The following LAMB3 variants were observed in gnomAD, a reference collection of about 807,000 sequenced individuals.
The protein encoded by LAMB3 is laminin subunit beta 3.
A neutral mutation model predicts 140.3 loss-of-function variants in LAMB3; 104 were observed. That is an observed-to-expected ratio of 0.74 (90% CI 0.63 to 0.87). The LOEUF is 0.87. Ranked by LOEUF, LAMB3 falls within the 40% of genes least tolerant of loss-of-function variation. LAMB3 has a pLI of 0.00. For missense variants in LAMB3, 1,531 were observed against 1,575.2 expected (o/e 0.97, Z 0.47); for synonymous variants, 592 against 602.9 (o/e 0.98, Z 0.26).
chr1:209,648,559 C>A (rs886309380), intron 3 of LAMB3, among the ~76,000 whole-genome samples: 18 of 152,202 alleles, frequency 1.2e-4, no homozygotes, highest in African/African-American at 3.6e-4. Flanking sequence ...TCTCAAGGGG[C>A]TACTTAGGAG....
chr1:209,637,948 T>C lies in LAMB3; in HGVS notation c.332A>G (p.Asp111Gly), dbSNP rs55824996. 3.9e-4 allele frequency: 624 copies of C among 1,613,360 alleles called. 5 individuals are homozygous for C. In the African/African-American group the frequency reaches 7.6e-3, roughly 20 times the overall value. ...VNPVSLQLDL[D>G]RRFQLQEVMM... Reference sequence around the variant, plus strand: ...GACTTCTTGAAGCTGGAATCTCCTGTCCAGGTCCAGCTGCAGAGAGACAGG... The same window carrying C: ...GACTTCTTGAAGCTGGAATCTCCTGCCCAGGTCCAGCTGCAGAGAGACAGG... The change falls in exon 5 of 23, where the codon GAC (aspartate) becomes GGC (glycine). Residue 111 changes from aspartate to glycine, a missense_variant. Transcript: ENST00000356082.
In LAMB3 at chr1:209,616,552, G is replaced by A; in HGVS notation, c.3301C>T (p.Gln1101Ter). The A allele has an allele frequency of 6.2e-7, 1 of 1,614,076 alleles. No homozygotes were observed. Among genetic ancestry groups the A allele is most frequent in the Non-Finnish European group, 8.5e-7 (1 of 1,179,982 alleles). The change falls in exon 22 of 23, where the codon CAG becomes TAG. Residue 1101 changes from glutamine (Q) to a stop codon, truncating the protein, a stop_gained. Transcript: ENST00000356082. LOFTEE classifies it high-confidence loss of function. ...RLGQSSMLGE[Q>*]GARIQSVKTE... ...TTCACACTCTGGATCCGGGCACCCT[G>A]CTCACCCAGCATGGAACTCTGACCC... is the stretch of plus-strand genomic sequence containing the variant.
At chr1:209,639,661 G>A (rs1029741113) in intron 3 of LAMB3, among the ~76,000 whole-genome samples, 16 of 151,866 alleles carry the variant, frequency 1.1e-4, no homozygotes, top group Non-Finnish European at 2.1e-4. Flanking sequence ...GTGCACATGC[G>A]CACACGCACA....
intron 1 of LAMB3, among the ~76,000 whole-genome samples, chr1:209,651,690 A>G (rs2076567671): frequency 6.6e-6 from 1 of 152,168 alleles, no homozygotes; most frequent in Non-Finnish European, 1.5e-5. Flanking sequence ...GGGATTCTGA[A>G]GGAGGCTGGG....
chr1:209,631,972 C>T (rs1033279566), intron 8 of LAMB3, among the ~76,000 whole-genome samples: 1 of 152,254 alleles, frequency 6.6e-6, no homozygotes, highest in Admixed American at 6.5e-5. Flanking sequence ...TCAAGGTTCT[C>T]TCTTCTCTAC....
In LAMB3 at chr1:209,644,545, A is replaced by G. The variant is rs76546602; in HGVS notation, c.183+5419T>C. On this transcript the variant is annotated intron_variant, in intron 3 of 22. Transcript: ENST00000356082. ...TCCAAGCCCATAAAGTTAGCAAGGG[A>G]TGAAGCACAGATTCTTGTCCCACCT... is the stretch of plus-strand genomic sequence containing the variant. Among the ~76,000 whole-genome samples the G allele has an allele frequency of 5.2e-3, 795 of 152,294 alleles. 6 individuals are homozygous for G. Among genetic ancestry groups the G allele is most frequent in the African/African-American group, 0.018 (749 of 41,564 alleles).
At chr1:209,617,202 C>A (rs768260327) in intron 21 of LAMB3, among the ~76,000 whole-genome samples, 1 of 152,216 alleles carries the variant, frequency 6.6e-6, no homozygotes, top group Non-Finnish European at 1.5e-5. Context: ...ACTAGGTCAT[C>A]TCCAGTGTCC....
Position 209,623,890 on chromosome 1 carries a change from T to C in LAMB3, c.2087A>G (p.Tyr696Cys), listed in dbSNP as rs1484281959. 2.0e-5 allele frequency: 33 copies of C among 1,614,086 alleles called. No homozygotes were observed. The highest frequency in any genetic ancestry group is 2.6e-5 in the Non-Finnish European group (31 of 1,180,032). ...TTCAAACTGCTCCCTCTTCCTCTGA[T>C]ACATAGTAAGGAGACCATTGAAGCT... ...DRSFNGLLTM[Y>C]QRKREQFEKI... Residue 696 changes from tyrosine to cysteine, a missense_variant, in exon 15 of 23, where the codon TAT becomes TGT. Coordinates refer to ENST00000356082, the MANE Select transcript of LAMB3 (RefSeq NM_000228.3). The surrounding 1 kb of genome is among the most constrained non-coding windows in gnomAD (Gnocchi z 4.2).
At chr1:209,636,834 G>A (rs772413329) in intron 5 of LAMB3, among the ~76,000 whole-genome samples, 6 of 152,110 alleles carry the variant, frequency 3.9e-5, no homozygotes, top group Non-Finnish European at 8.8e-5. Flanking sequence ...CCCCATTCTG[G>A]GCTCCCAGCA....
rs1571818664 is a variant in LAMB3, at chr1:209,630,727, A to G, written c.831T>C (p.Asp277=). The change falls in exon 9 of 23, where the codon GAT becomes GAC. Residue 277 remains aspartate (D), a synonymous_variant. Coordinates refer to ENST00000356082, the MANE Select transcript of LAMB3 (RefSeq NM_000228.3). The part of the protein sequence containing the change: ...AGPSTAVQVH[D]VCVCQHNTAG... ...CAGTGTTGTGCTGGCAGACACAGAC[A>G]TCGTGGACCTGGGAGGGGGACCGTC... 8 of 1,613,962 alleles carry G rather than the reference A, an allele frequency of 5.0e-6. No homozygotes were observed. Among genetic ancestry groups the G allele is most frequent in the Non-Finnish European group, 6.8e-6 (8 of 1,179,980 alleles).
At chr1:209,635,993 C>T (rs1666882463) in intron 5 of LAMB3, among the ~76,000 whole-genome samples, 1 of 152,184 alleles carries the variant, frequency 6.6e-6, no homozygotes, top group Non-Finnish European at 1.5e-5. Context: ...GGTTCCCTCT[C>T]ATCTTTTGTT....
In LAMB3 at chr1:209,623,716, C is replaced by T. The variant is rs114174766; in HGVS notation, c.2147G>A (p.Arg716Gln). Residue 716 changes from arginine (R) to glutamine (Q), a missense_variant, in exon 16 of 23, where the codon CGG becomes CAG. Transcript: ENST00000356082. The surrounding 1 kb of genome is among the most constrained non-coding windows in gnomAD (Gnocchi z 4.2). Reference sequence around the variant, plus strand: ...CTGCTCGTAGGCTGTGCTCAGCATCCGGAAGGCTCCTGTGGCGAGAAGCAT... The same window carrying T: ...CTGCTCGTAGGCTGTGCTCAGCATCTGGAAGGCTCCTGTGGCGAGAAGCAT... The part of the protein sequence containing the change: ...ISSADPSGAF[R>Q]MLSTAYEQSA... The T allele has an allele frequency of 3.5e-4, 564 of 1,613,968 alleles. No individual in the cohort carries two copies. In the African/African-American group the frequency reaches 5.7e-3, roughly 16 times the overall value.
intron 9 of LAMB3, 36 bp from the exon 10 acceptor site, chr1:209,629,961 C>T (rs1666620209): frequency 6.3e-7 from 1 of 1,594,990 alleles, no homozygotes. Flanking sequence ...ACATCTGACC[C>T]ACACCTTTGC....
chr1:209,650,109 C>CCA lies in LAMB3; in HGVS notation c.36_37dup (p.Gly13ValfsTer38). 6.2e-7 allele frequency: 1 copy of CCA among 1,613,254 alleles called. No homozygotes were observed. The highest frequency in any genetic ancestry group is 1.1e-5 in the South Asian group (1 of 90,948). On this transcript the variant is annotated frameshift_variant, in exon 3 of 23. Coordinates refer to ENST00000356082, the MANE Select transcript of LAMB3 (RefSeq NM_000228.3). LOFTEE classifies it high-confidence loss of function. Reference sequence around the variant, plus strand: ...GCAGGCTTGTTGGGCATGCAGGAGGCCAGGCAGGGCTGAAATCACAGGGAT... The same window carrying CCA: ...GCAGGCTTGTTGGGCATGCAGGAGGCCACAGGCAGGGCTGAAATCACAGGGAT...
Position 209,630,626 on chromosome 1 carries a change from T to C in LAMB3, c.932A>G (p.His311Arg), listed in dbSNP as rs1197930426. ...TCCAAAGCTCCTACTTTGGCATTCA[T>C]GGGCGTCCTGGCCCTCCGCCGGTCT... ...PWRPAEGQDA[H>R]ECQRCDCNGH... is the part of the protein sequence containing the mutation. The change falls in exon 9 of 23, where the codon CAT becomes CGT. Residue 311 changes from histidine (H) to arginine (R), a missense_variant. Coordinates refer to ENST00000356082, the MANE Select transcript of LAMB3 (RefSeq NM_000228.3). The C allele has an allele frequency of 6.2e-7, 1 of 1,614,158 alleles. No individual in the cohort carries two copies. Among genetic ancestry groups the C allele is most frequent in the South Asian group, 1.1e-5 (1 of 91,064 alleles).
At position 209,617,892 on chromosome 1, in the gene LAMB3, G is replaced by A; in HGVS notation, c.3051+15C>T. On this transcript the variant is annotated intron_variant, in intron 20 of 22. Transcript: ENST00000356082. Reference sequence around the variant, plus strand: ...TTATGCCCAAATATGGGCGGAGGAAGCCATAATGCCTCACCTCAGCAACCC... The same window carrying A: ...TTATGCCCAAATATGGGCGGAGGAAACCATAATGCCTCACCTCAGCAACCC... 6.2e-7 allele frequency: 1 copy of A among 1,614,156 alleles called. No individual in the cohort carries two copies. The highest frequency in any genetic ancestry group is 8.5e-7 in the Non-Finnish European group (1 of 1,180,014).
chr1:209,618,321 A>G lies in LAMB3; in HGVS notation c.2909+131T>C, dbSNP rs1666059721. The G allele has an allele frequency of 5.2e-6, 5 of 965,978 alleles. No homozygotes were observed. In the African/African-American group the frequency reaches 8.1e-5, roughly 16 times the overall value. 59.8% of individuals were successfully genotyped at this position (965,978 alleles called of 1,614,324 possible). A position where few individuals can be genotyped will look rare whatever the true frequency, so the allele number is the denominator to read the frequency against. ...TTAACCTGCACTCTGGACTCTGTGT[A>G]CCACTCTCCACCATGGTAAGCACCC... On this transcript the variant is annotated intron_variant, in intron 19 of 22. Transcript: ENST00000356082.
chr1:209,635,138 GCT>G (rs1666853272), intron 5 of LAMB3, among the ~76,000 whole-genome samples: 2 of 152,106 alleles, frequency 1.3e-5, no homozygotes, highest in Non-Finnish European at 2.9e-5. Context: ...TTGAGTCCCT[GCT>G]CCTTCCTACA....
Position 209,624,065 on chromosome 1 carries a change from C to G in LAMB3, c.1977-65G>C, listed in dbSNP as rs374012406. The G allele has an allele frequency of 1.3e-5, 19 of 1,439,538 alleles. No homozygotes were observed. The African/African-American group carries it at 1.4e-4, about 11-fold the overall frequency. 89.2% of individuals were successfully genotyped at this position (1,439,538 alleles called of 1,614,324 possible). On this transcript the variant is annotated intron_variant, in intron 14 of 22. Transcript: ENST00000356082. ...AGTTTTGCCTCCCCAAAGCAGCTAT[C>G]CCCTCAGAGCAACTGCTACTGAGTC...
Sources: gnomAD v4.1 joint callset for allele counts (sites outside exome capture counted in the v4.1 genomes callset) on GRCh38, gnomAD v4.1.1 for gene constraint, Gnocchi (gnomAD v3.1) non-coding constraint, MANE v1.5 for transcripts, NCBI Gene and HGNC (gene_info 2026-07-23, HGNC 2026-07-21) for gene names.